The following STK32B variants were observed in gnomAD, a reference collection of about 807,000 sequenced individuals.
STK32B encodes the protein serine/threonine-protein kinase 32B.
In STK32B, 43 loss-of-function variants were observed where a neutral mutation model predicts 52.6. The ratio of observed to expected loss-of-function variants is 0.82; its 90% CI spans 0.64 to 1.05. The LOEUF (loss-of-function observed/expected upper bound fraction) is 1.05. STK32B is among the 50% of genes least tolerant of loss of function. STK32B has a pLI of 0.00. For synonymous variants in STK32B, 238 were observed against 204.3 expected (o/e 1.17, Z -1.41); for missense variants, 621 against 534.6 (o/e 1.16, Z -1.59).
chr4:5,120,557 T>A (rs777849910), intron 1 of STK32B, among the ~76,000 whole-genome samples: 36 of 152,324 alleles, frequency 2.4e-4, no homozygotes, highest in Non-Finnish European at 4.0e-4. Flanking sequence ...TATATAGGAT[T>A]CAGTAGTATC....
the STK32B span, among the ~76,000 whole-genome samples, chr4:5,025,324 G>A: frequency 3.9e-5 from 6 of 152,072 alleles, no homozygotes; most frequent in South Asian, 2.1e-4. Flanking sequence ...GGAAGCACCC[G>A]TCCAGGGGGG....
In STK32B at chr4:5,278,394, G is replaced by T. The variant is rs568058366; in HGVS notation, c.261-52826G>T. ...TTGGGAGTTGGGGTTCAGCGCATAT[G>T]TGGGCGTAGGAGATGAGACCTTGGG... On this transcript the variant is annotated intron_variant, in intron 3 of 11. Coordinates refer to ENST00000282908, the MANE Select transcript of STK32B (RefSeq NM_018401.3). 4.6e-5 allele frequency among the ~76,000 whole-genome samples: 7 copies of T among 152,284 alleles called. No homozygotes were observed. The East Asian group carries it at 1.4e-3, about 30-fold the overall frequency.
Position 5,386,078 on chromosome 4 carries a change from A to G in STK32B, c.435-12129A>G, listed in dbSNP as rs1736237753. On this transcript the variant is annotated intron_variant, in intron 4 of 11. Coordinates refer to ENST00000282908, the MANE Select transcript of STK32B (RefSeq NM_018401.3). This position sits in a 1 kb window ranked among gnomAD's most constrained non-coding sequence, Gnocchi z 4.5. ...ACAGCCCCACCCATAGCCCCTACCC[A>G]GATTTCCCATGCAGAGCTCCACCCA... Among the ~76,000 whole-genome samples, 1 of 74,744 alleles carries G rather than the reference A, an allele frequency of 1.3e-5. No individual in the cohort carries two copies. The highest frequency in any genetic ancestry group is 2.7e-5 in the Non-Finnish European group (1 of 37,180). The allele number at this position is 74,744 out of a possible 152,430, so 49.0% of individuals were successfully genotyped here. A position where few individuals can be genotyped will look rare whatever the true frequency, so the allele number is the denominator to read the frequency against.
the STK32B span, among the ~76,000 whole-genome samples, chr4:5,019,977 G>C: frequency 6.6e-6 from 1 of 152,152 alleles, no homozygotes; most frequent in Non-Finnish European, 1.5e-5. Flanking sequence ...CGGTGTCCTC[G>C]TCCATCAATC....
intron 1 of STK32B, among the ~76,000 whole-genome samples, chr4:5,087,593 A>G (rs1353490259): frequency 6.6e-6 from 1 of 151,480 alleles, no homozygotes; most frequent in African/African-American, 2.4e-5. Flanking sequence ...TAGATAGATA[A>G]ATGATAGAAA....
chr4:5,441,943 GT>G (rs1714816602), intron 6 of STK32B, among the ~76,000 whole-genome samples: 1 of 129,494 alleles, frequency 7.7e-6, no homozygotes, highest in Non-Finnish European at 1.6e-5. Context: ...CTGAGTTCTA[GT>G]TTGATTGCAC....
the STK32B span, among the ~76,000 whole-genome samples, chr4:5,044,657 G>T: frequency 6.6e-6 from 1 of 152,154 alleles, no homozygotes; most frequent in African/African-American, 2.4e-5. Flanking sequence ...TGTCATTTCG[G>T]CACTTTGGGA....
At chr4:5,286,813 T>C (rs1418719910) in intron 3 of STK32B, among the ~76,000 whole-genome samples, 9 of 150,240 alleles carry the variant, frequency 6.0e-5, no homozygotes, top group Non-Finnish European at 1.0e-4. Flanking sequence ...TTTTTTTTTT[T>C]TTGAGACGGA....
At chr4:5,086,320 C>CT (rs1712730117) in intron 1 of STK32B, among the ~76,000 whole-genome samples, 1 of 152,108 alleles carries the variant, frequency 6.6e-6, no homozygotes, top group Non-Finnish European at 1.5e-5. Flanking sequence ...AGGGTGTGCT[C>CT]TAACAAACAC....
intron 3 of STK32B, among the ~76,000 whole-genome samples, chr4:5,312,438 TC>T (rs1301207556): frequency 7.9e-6 from 1 of 126,010 alleles, no homozygotes; most frequent in Non-Finnish European, 1.7e-5. Context: ...CCCTCCCCCC[TC>T]CCCACACCCC....
chr4:5,414,394 C>T (rs1027349875), intron 5 of STK32B, among the ~76,000 whole-genome samples: 7 of 151,866 alleles, frequency 4.6e-5, no homozygotes, highest in East Asian at 3.9e-4. Context: ...TACCGCAAAA[C>T]GTGGATATTC....
chr4:5,076,653 A>T (rs34769495), intron 1 of STK32B, among the ~76,000 whole-genome samples: 24,683 of 152,158 alleles, frequency 0.16, 2,301 homozygotes, highest in Non-Finnish European at 0.21. Context: ...GCATCTTTTC[A>T]GCTAATGCTG....
chr4:5,459,847 T>A (rs933900002), intron 8 of STK32B, among the ~76,000 whole-genome samples: 5 of 152,280 alleles, frequency 3.3e-5, no homozygotes, highest in African/African-American at 1.2e-4. Flanking sequence ...ACATGGGGGC[T>A]GAAAGTCTGG....
rs77198484 is a variant in STK32B, at chr4:5,449,661, G to T, written c.666+2885G>T. On this transcript the variant is annotated intron_variant, in intron 7 of 11. Coordinates refer to ENST00000282908, the MANE Select transcript of STK32B (RefSeq NM_018401.3). ...GGTGAATGGCAAGTGAGCCAGGGAA[G>T]CTTCCTCTGTATTTAGAGCTGCTCC... 4.8e-3 allele frequency among the ~76,000 whole-genome samples: 736 copies of T among 152,256 alleles called. 8 individuals are homozygous for T. Among genetic ancestry groups the T allele is most frequent in the African/African-American group, 0.017 (710 of 41,552 alleles).
chr4:5,131,179 C>T (rs1715750233), intron 1 of STK32B, among the ~76,000 whole-genome samples: 1 of 152,176 alleles, frequency 6.6e-6, no homozygotes, highest in South Asian at 2.1e-4. Context: ...AATGAGAATG[C>T]CCCTTTCACT....
chr4:5,101,817 G>C (rs1456044798), intron 1 of STK32B, among the ~76,000 whole-genome samples: 1 of 152,186 alleles, frequency 6.6e-6, no homozygotes, highest in Non-Finnish European at 1.5e-5. Flanking sequence ...AACGCATCCT[G>C]TCAGTAAAAT....
chr4:5,184,127 T>G (rs1720559720), intron 3 of STK32B, among the ~76,000 whole-genome samples: 1 of 152,238 alleles, frequency 6.6e-6, no homozygotes, highest in African/African-American at 2.4e-5. Flanking sequence ...GCTTTTAACC[T>G]ATTTTGGCTT....
chr4:5,282,550 T>G (rs1728275640), intron 3 of STK32B, among the ~76,000 whole-genome samples: 1 of 152,210 alleles, frequency 6.6e-6, no homozygotes, highest in Non-Finnish European at 1.5e-5. Context: ...CTAATGCTTC[T>G]TCTTCTTCTT....
intron 3 of STK32B, among the ~76,000 whole-genome samples, chr4:5,307,905 T>G (rs978456653): frequency 2.0e-5 from 3 of 152,128 alleles, no homozygotes; most frequent in African/African-American, 7.2e-5. Context: ...CTCTTCAGGA[T>G]GTAGCCACCC....
Sources: allele counts gnomAD v4.1 joint callset (sites outside exome capture counted in the v4.1 genomes callset), GRCh38; gene constraint gnomAD v4.1.1; non-coding constraint Gnocchi (gnomAD v3.1); transcripts MANE v1.5; gene names NCBI Gene and HGNC (gene_info 2026-07-23, HGNC 2026-07-21).